The following FOCAD variants were observed in gnomAD, a reference collection of about 807,000 sequenced individuals.
FOCAD encodes the protein focadhesin, also known as KIAA1797.
Under a neutral mutation model 225.6 loss-of-function variants are expected in FOCAD, and 198 were observed. The observed-to-expected ratio is 0.88, with a 90% CI of 0.78 to 0.99. The LOEUF is 0.99. Ranked by LOEUF, FOCAD falls within the 50% of genes least tolerant of loss-of-function variation. The pLI is 0.00. For missense variants in FOCAD, 2,713 were observed against 2,123.6 expected (o/e 1.28, Z -5.46); for synonymous variants, 897 against 755.0 (o/e 1.19, Z -3.08).
In FOCAD at chr9:20,950,934, C is replaced by G. The variant is rs1033789190; in HGVS notation, c.3949-62C>G. The G allele has an allele frequency of 2.8e-6, 4 of 1,420,108 alleles. No homozygotes were observed. In the African/African-American group the frequency reaches 4.2e-5, roughly 15 times the overall value. The allele number at this position is 1,420,108 out of a possible 1,614,324, so 88.0% of individuals were successfully genotyped here. ...ATGACTGGTGACTTTCTGTGAGTGA[C>G]CTTTTATTGAATGGAACTTGGATCT... is the stretch of plus-strand genomic sequence containing the variant. On this transcript the variant is annotated intron_variant, in intron 33 of 43. Coordinates refer to ENST00000338382, the MANE Select transcript of FOCAD (RefSeq NM_001375567.1).
intron 1 of FOCAD, among the ~76,000 whole-genome samples, chr9:20,690,021 A>G (rs1587227492): frequency 1.3e-5 from 2 of 152,192 alleles, no homozygotes; most frequent in Non-Finnish European, 2.9e-5. Flanking sequence ...ATGTGTGCCA[A>G]TTCTTATCTA....
intron 2 of FOCAD, among the ~76,000 whole-genome samples, chr9:20,676,659 A>T (rs934668270): frequency 2.0e-5 from 3 of 152,206 alleles, no homozygotes; most frequent in Non-Finnish European, 4.4e-5. Context: ...TATTTTCCAA[A>T]ATCAAACTAA....
chr9:20,881,523 A>G (rs1332089666), intron 19 of FOCAD, among the ~76,000 whole-genome samples: 2 of 152,216 alleles, frequency 1.3e-5, no homozygotes, highest in East Asian at 1.9e-4. Flanking sequence ...TAGTTTTTAC[A>G]TTAGTTTGTA....
At chr9:20,759,453 C>T (rs1002459525) in intron 6 of FOCAD, among the ~76,000 whole-genome samples, 1 of 152,158 alleles carries the variant, frequency 6.6e-6, no homozygotes, top group Admixed American at 6.5e-5. Flanking sequence ...GAAAAACAAG[C>T]AATGGGGAAA....
At chr9:20,668,405 T>C (rs1464335052) in intron 2 of FOCAD, among the ~76,000 whole-genome samples, 2 of 152,222 alleles carry the variant, frequency 1.3e-5, no homozygotes, top group Admixed American at 1.3e-4. Context: ...GCAAGTTGCT[T>C]TATTTACTAG....
intron 35 of FOCAD, among the ~76,000 whole-genome samples, chr9:20,972,381 T>C (rs963325882): frequency 1.3e-5 from 2 of 152,156 alleles, no homozygotes; most frequent in Admixed American, 6.5e-5. Context: ...TTGGTTTGGT[T>C]TTTTTCCTTC....
intron 4 of FOCAD, among the ~76,000 whole-genome samples, chr9:20,728,217 T>A (rs1375313311): frequency 6.6e-6 from 1 of 152,172 alleles, no homozygotes; most frequent in Non-Finnish European, 1.5e-5. Flanking sequence ...CTATCCCCTG[T>A]CTGAAATGCT....
intron 1 of FOCAD, among the ~76,000 whole-genome samples, chr9:20,712,730 C>CTTTTT (rs71334550): frequency 2.0e-4 from 19 of 93,336 alleles, no homozygotes; most frequent in South Asian, 4.1e-4. Flanking sequence ...CTCCTATATT[C>CTTTTT]TTTTTTTTTT....
chr9:20,913,145 T>TACACACACAC lies in FOCAD; in HGVS notation c.2807+226_2807+235dup, dbSNP rs56856864. Among the ~76,000 whole-genome samples the TACACACACAC allele has an allele frequency of 4.4e-3, 607 of 137,304 alleles. 4 individuals are homozygous for TACACACACAC. Among genetic ancestry groups the TACACACACAC allele is most frequent in the East Asian group, 0.034 (157 of 4,560 alleles). The allele number at this position is 137,304 out of a possible 152,430, so 90.1% of individuals were successfully genotyped here. ...GAGAGCTTTATTTATAAATTATACA[T>TACACACACAC]ACACACACACACACACACACACACA... is the stretch of plus-strand genomic sequence containing the variant. On this transcript the variant is annotated intron_variant, in intron 23 of 43. Coordinates refer to ENST00000338382, the MANE Select transcript of FOCAD (RefSeq NM_001375567.1).
intron 28 of FOCAD, among the ~76,000 whole-genome samples, chr9:20,939,913 C>T (rs1836469284): frequency 6.8e-6 from 1 of 146,152 alleles, no homozygotes; most frequent in Non-Finnish European, 1.5e-5. Context: ...TCCCTCCACC[C>T]CACGACAGGC....
intron 15 of FOCAD, among the ~76,000 whole-genome samples, chr9:20,852,526 T>C (rs574923701): frequency 6.6e-6 from 1 of 151,902 alleles, no homozygotes; most frequent in South Asian, 2.1e-4. Context: ...TCAGGTTATG[T>C]TTCAGGAACT....
At chr9:20,659,440 A>AAGAAAGAAAGAAAGAC (rs71334544) in intron 2 of FOCAD, among the ~76,000 whole-genome samples, 1,952 of 145,122 alleles carry the variant, frequency 0.013, 36 homozygotes, top group Admixed American at 0.043. Flanking sequence ...GAAAGAAAGA[A>AAGAAAGAAAGAAAGAC]AGACAGACAG....
At chr9:20,678,618 C>T (rs1822306013) in intron 2 of FOCAD, among the ~76,000 whole-genome samples, 1 of 152,184 alleles carries the variant, frequency 6.6e-6, no homozygotes, top group Non-Finnish European at 1.5e-5. Flanking sequence ...AACTGCAGCA[C>T]AGGCTTCCCT....
chr9:20,926,329 A>G lies in FOCAD; in HGVS notation c.2990A>G (p.Glu997Gly), dbSNP rs1170928105. 1 of 1,612,622 alleles carries G rather than the reference A, an allele frequency of 6.2e-7. No homozygotes were observed. Among genetic ancestry groups the G allele is most frequent in the Non-Finnish European group, 8.5e-7 (1 of 1,178,758 alleles). The change falls in exon 26 of 44, where the codon GAG (glutamate) becomes GGG (glycine). Residue 997 changes from glutamate to glycine, a missense_variant. By Grantham distance (98) the Glu-to-Gly change is moderately conservative (BLOSUM62 -2). Coordinates refer to ENST00000338382, the MANE Select transcript of FOCAD (RefSeq NM_001375567.1). ...CAACCTAATTTCCTTTCAATGAAAG[A>G]GTGGGTTTCCATGGTACTTGATACA... is the stretch of plus-strand genomic sequence containing the variant. ...EVQPNFLSMK[E>G]WVSMVLDTLL...
At chr9:20,956,141 G>A (rs1388658339) in intron 35 of FOCAD, among the ~76,000 whole-genome samples, 1 of 152,152 alleles carries the variant, frequency 6.6e-6, no homozygotes, top group African/African-American at 2.4e-5. Context: ...ACGAAGTACA[G>A]GTAGGCATAT....
At chr9:20,909,382 CT>C (rs1475306092) in intron 22 of FOCAD, among the ~76,000 whole-genome samples, 3 of 152,024 alleles carry the variant, frequency 2.0e-5, no homozygotes, top group Non-Finnish European at 2.9e-5. Flanking sequence ...ACTCCAGAGC[CT>C]TAGCGTTTTC....
At chr9:20,690,098 G>A (rs1321947054) in intron 1 of FOCAD, among the ~76,000 whole-genome samples, 1 of 152,206 alleles carries the variant, frequency 6.6e-6, no homozygotes, top group Non-Finnish European at 1.5e-5. Flanking sequence ...TATAGGAAAT[G>A]CCTTAATGTG....
intron 5 of FOCAD, among the ~76,000 whole-genome samples, chr9:20,756,962 T>C (rs1022804120): frequency 1.3e-5 from 2 of 152,194 alleles, no homozygotes; most frequent in Non-Finnish European, 2.9e-5. Context: ...GGAGTTTTGC[T>C]CTTGTTGCCC....
chr9:20,821,679 T>G (rs1323568773), intron 14 of FOCAD, among the ~76,000 whole-genome samples: 2 of 152,024 alleles, frequency 1.3e-5, no homozygotes, highest in African/African-American at 4.8e-5. Flanking sequence ...TTTTTTTTCT[T>G]GCATGTGGTA....
Sources: allele counts gnomAD v4.1 joint callset (sites outside exome capture counted in the v4.1 genomes callset), GRCh38; gene constraint gnomAD v4.1.1; transcripts MANE v1.5; gene names NCBI Gene and HGNC (gene_info 2026-07-23, HGNC 2026-07-21).